The following MOB3B variants were observed in gnomAD, a reference collection of about 807,000 sequenced individuals.
MOB3B encodes the protein MOB kinase activator-like 2B.
MOB3B carries 7 observed loss-of-function variants against 18.7 expected under a neutral mutation model. The ratio of observed to expected loss-of-function variants is 0.37; its 90% CI spans 0.21 to 0.70. The LOEUF is 0.70. MOB3B is among the 30% of genes least tolerant of loss of function. The pLI is 0.52. For missense variants in MOB3B, 253 were observed against 281.3 expected (o/e 0.90, Z 0.72); for synonymous variants, 111 against 99.9 (o/e 1.11, Z -0.66).
intron 1 of MOB3B, among the ~76,000 whole-genome samples, chr9:27,490,309 G>A (rs1323851418): frequency 6.6e-6 from 1 of 152,084 alleles, no homozygotes; most frequent in African/African-American, 2.4e-5. Flanking sequence ...TGTCCTAAAG[G>A]TGCTCATGGT....
intron 2 of MOB3B, among the ~76,000 whole-genome samples, chr9:27,446,169 T>C (rs1822689159): frequency 6.6e-6 from 1 of 152,144 alleles, no homozygotes; most frequent in Non-Finnish European, 1.5e-5. Context: ...TATTGAACTC[T>C]CAGAGAAATG....
intron 1 of MOB3B, among the ~76,000 whole-genome samples, chr9:27,514,077 C>T (rs1218151350): frequency 6.6e-6 from 1 of 152,120 alleles, no homozygotes; most frequent in Non-Finnish European, 1.5e-5. Context: ...CCCAGTTTCT[C>T]CTGAAGTACA....
At chr9:27,345,838 G>C (rs948892117) in intron 3 of MOB3B, among the ~76,000 whole-genome samples, 5 of 152,228 alleles carry the variant, frequency 3.3e-5, no homozygotes, top group Non-Finnish European at 5.9e-5. Flanking sequence ...GAGACAGGGA[G>C]AGAACTGGGC....
intron 2 of MOB3B, among the ~76,000 whole-genome samples, chr9:27,377,542 G>C (rs879039241): frequency 2.0e-5 from 3 of 152,320 alleles, no homozygotes; most frequent in Middle Eastern, 3.4e-3. Context: ...AGCACCTGGA[G>C]TGCTCACTGA....
At chr9:27,492,238 A>AT (rs1819830334) in intron 1 of MOB3B, among the ~76,000 whole-genome samples, 1 of 152,156 alleles carries the variant, frequency 6.6e-6, no homozygotes, top group African/African-American at 2.4e-5. Context: ...TACGGAAGAG[A>AT]TTAACTTTTT....
intron 2 of MOB3B, among the ~76,000 whole-genome samples, chr9:27,449,852 C>A (rs1306767580): frequency 1.3e-5 from 2 of 152,010 alleles, no homozygotes; most frequent in Non-Finnish European, 2.9e-5. Context: ...GTGGCAGGTG[C>A]CTGTGACCCC....
intron 1 of MOB3B, among the ~76,000 whole-genome samples, chr9:27,529,125 C>G (rs1220048075): frequency 6.6e-6 from 1 of 152,236 alleles, no homozygotes; most frequent in Non-Finnish European, 1.5e-5. Context: ...CGTTGTCCCC[C>G]AGCCCAGGCG....
chr9:27,527,147 A>T (rs1820448833), intron 1 of MOB3B, among the ~76,000 whole-genome samples: 1 of 152,218 alleles, frequency 6.6e-6, no homozygotes, highest in Non-Finnish European at 1.5e-5. Flanking sequence ...TACAAGCTTA[A>T]CTTCCACTAT....
intron 1 of MOB3B, among the ~76,000 whole-genome samples, chr9:27,518,762 G>T (rs1342907846): frequency 1.3e-5 from 2 of 152,136 alleles, no homozygotes; most frequent in Non-Finnish European, 2.9e-5. Context: ...CAGCAAAAGG[G>T]GGTGGTGGAG....
chr9:27,375,731 C>T (rs1236120114), intron 2 of MOB3B, among the ~76,000 whole-genome samples: 1 of 152,090 alleles, frequency 6.6e-6, no homozygotes, highest in Non-Finnish European at 1.5e-5. Flanking sequence ...AGCCCTTTTG[C>T]CCAGCACAAT....
At position 27,422,457 on chromosome 9, in the gene MOB3B, T is replaced by G. The variant is rs1198316895; in HGVS notation, c.418+32676A>C. Among the ~76,000 whole-genome samples the G allele has an allele frequency of 3.9e-5, 6 of 152,352 alleles. No individual in the cohort carries two copies. In the South Asian group the frequency reaches 1.2e-3, roughly 32 times the overall value. On this transcript the variant is annotated intron_variant, in intron 2 of 3. Coordinates refer to ENST00000262244, the MANE Select transcript of MOB3B (RefSeq NM_024761.5). ...CCTCTCTAATTCTGTTGATATAGTCTGACCTAGGTTTCTAGACACCCTATG... is the reference window on the plus strand; with the variant it reads ...CCTCTCTAATTCTGTTGATATAGTCGGACCTAGGTTTCTAGACACCCTATG...
At chr9:27,510,707 T>C (rs1282598717) in intron 1 of MOB3B, among the ~76,000 whole-genome samples, 1 of 152,166 alleles carries the variant, frequency 6.6e-6, no homozygotes, top group East Asian at 1.9e-4. Flanking sequence ...GTTGAGCAAA[T>C]GGATTTGAAT....
intron 3 of MOB3B, among the ~76,000 whole-genome samples, chr9:27,350,656 T>C (rs1821090275): frequency 6.6e-6 from 1 of 152,210 alleles, no homozygotes; most frequent in Non-Finnish European, 1.5e-5. Flanking sequence ...GAAATAATCA[T>C]GTTTCTTTGC....
intron 1 of MOB3B, among the ~76,000 whole-genome samples, chr9:27,514,345 C>CAAAAAAAA (rs34526085): frequency 4.0e-4 from 31 of 77,586 alleles, no homozygotes; most frequent in Admixed American, 1.0e-3. Flanking sequence ...ACCACAAGCT[C>CAAAAAAAA]AAAAAAAAAA....
chr9:27,393,409 G>A (rs557521694), intron 2 of MOB3B, among the ~76,000 whole-genome samples: 2 of 151,948 alleles, frequency 1.3e-5, no homozygotes, highest in Non-Finnish European at 2.9e-5. Context: ...AACAGAGAGA[G>A]GTAGAGAGAG....
chr9:27,444,146 AGAAGGAAAGAAGGAAGGAAG>A (rs1822640669), intron 2 of MOB3B, among the ~76,000 whole-genome samples: 1 of 134,308 alleles, frequency 7.4e-6, no homozygotes, highest in South Asian at 2.4e-4. Context: ...GAGAGAAAGA[AGAAGGAAAGAAGGAAGGAAG>A]GAAGGAAAGA....
At chr9:27,334,555 T>C (rs774183797) in intron 3 of MOB3B, among the ~76,000 whole-genome samples, 5 of 152,228 alleles carry the variant, frequency 3.3e-5, no homozygotes, top group Non-Finnish European at 7.3e-5. Context: ...TTAAATCTTC[T>C]TTATGTACTT....
At chr9:27,488,696 C>G (rs950700817) in intron 1 of MOB3B, among the ~76,000 whole-genome samples, 1 of 152,222 alleles carries the variant, frequency 6.6e-6, no homozygotes, top group Non-Finnish European at 1.5e-5. Context: ...GTGTGAGCCA[C>G]TGCGCCCTGC....
At chr9:27,413,543 T>C (rs1822104487) in intron 2 of MOB3B, among the ~76,000 whole-genome samples, 1 of 152,236 alleles carries the variant, frequency 6.6e-6, no homozygotes, top group South Asian at 2.1e-4. Flanking sequence ...TGGCTAGATT[T>C]GTTTTTAAAA....
Sources: gnomAD v4.1 joint callset for allele counts (sites outside exome capture counted in the v4.1 genomes callset) on GRCh38, gnomAD v4.1.1 for gene constraint, MANE v1.5 for transcripts, NCBI Gene and HGNC (gene_info 2026-07-23, HGNC 2026-07-21) for gene names.